The following SNTG1 variants were observed in gnomAD, a reference collection of about 807,000 sequenced individuals.
SNTG1 encodes the protein gamma-1-syntrophin.
A neutral mutation model predicts 74.7 loss-of-function variants in SNTG1; 39 were observed. The ratio of observed to expected loss-of-function variants is 0.52; its 90% confidence interval spans 0.40 to 0.68. SNTG1 has a LOEUF of 0.68. Ranked by LOEUF, SNTG1 falls within the 30% of genes least tolerant of loss-of-function variation. SNTG1 has a pLI of 0.00. For synonymous variants in SNTG1, 254 were observed against 217.1 expected (o/e 1.17, Z -1.49); for missense variants, 685 against 609.5 (o/e 1.12, Z -1.30).
intron 1 of SNTG1, among the ~76,000 whole-genome samples, chr8:50,067,033 CTTTTT>C (rs965455717): frequency 6.6e-6 from 1 of 151,308 alleles, no homozygotes; most frequent in African/African-American, 2.4e-5. Flanking sequence ...CTTTTCTTTT[CTTTTT>C]TTTTGAAAGA....
At chr8:50,190,528 G>T (rs751520049) in intron 2 of SNTG1, among the ~76,000 whole-genome samples, 7 of 152,088 alleles carry the variant, frequency 4.6e-5, no homozygotes, top group Middle Eastern at 3.2e-3. Flanking sequence ...AGAAAAAAAG[G>T]TAATGAATTG....
intron 9 of SNTG1, among the ~76,000 whole-genome samples, chr8:50,505,741 T>C (rs1171963667): frequency 6.6e-6 from 1 of 152,176 alleles, no homozygotes; most frequent in Non-Finnish European, 1.5e-5. Context: ...ATTCTTCAGA[T>C]ACTCTGGCTA....
intron 2 of SNTG1, among the ~76,000 whole-genome samples, chr8:50,190,775 A>G (rs759065779): frequency 1.9e-4 from 29 of 152,266 alleles, no homozygotes; most frequent in Non-Finnish European, 3.5e-4. Context: ...CACAGAGGTG[A>G]CATGCTTGGT....
At chr8:50,569,477 AT>A (rs367925496) in intron 12 of SNTG1, among the ~76,000 whole-genome samples, 5 of 151,740 alleles carry the variant, frequency 3.3e-5, no homozygotes, top group Non-Finnish European at 5.9e-5. Flanking sequence ...TTAAAAAATC[AT>A]TTTTTTTCCA....
chr8:50,697,151 T>C (rs957665760), intron 15 of SNTG1, among the ~76,000 whole-genome samples: 2 of 152,122 alleles, frequency 1.3e-5, no homozygotes, highest in African/African-American at 4.8e-5. Context: ...CTGGTAGAGC[T>C]CTTTTACCTC....
chr8:49,929,882 A>G (rs1411993196), intron 1 of SNTG1, among the ~76,000 whole-genome samples: 9 of 75,294 alleles, frequency 1.2e-4, no homozygotes, highest in African/African-American at 3.9e-4. Context: ...CCACCCCACC[A>G]CAGTCCCCAG....
At chr8:50,623,070 T>C (rs1256477102) in intron 13 of SNTG1, among the ~76,000 whole-genome samples, 1 of 152,108 alleles carries the variant, frequency 6.6e-6, no homozygotes, top group Non-Finnish European at 1.5e-5. Context: ...GTTTTGTTTT[T>C]TGTGTGTGGA....
At chr8:50,568,617 G>A (rs1223624022) in intron 12 of SNTG1, among the ~76,000 whole-genome samples, 1 of 151,608 alleles carries the variant, frequency 6.6e-6, no homozygotes, top group Non-Finnish European at 1.5e-5. Context: ...TATACCTCTT[G>A]GCCATTCATA....
chr8:50,495,500 C>T (rs1245222092), intron 8 of SNTG1, among the ~76,000 whole-genome samples: 1 of 151,284 alleles, frequency 6.6e-6, no homozygotes, highest in Non-Finnish European at 1.5e-5. Context: ...CTCCACGTTC[C>T]CAATTATATT....
At chr8:50,779,490 T>A (rs2095651827) in intron 18 of SNTG1, among the ~76,000 whole-genome samples, 1 of 152,290 alleles carries the variant, frequency 6.6e-6, no homozygotes, top group East Asian at 1.9e-4. Flanking sequence ...TCACTCATTA[T>A]TTGGCTCTCT....
At chr8:50,113,876 C>T (rs994988210) in intron 1 of SNTG1, among the ~76,000 whole-genome samples, 4 of 151,444 alleles carry the variant, frequency 2.6e-5, no homozygotes, top group East Asian at 1.9e-4. Flanking sequence ...CAAACCTGCA[C>T]GTTGTGCACA....
At chr8:50,685,053 A>G (rs1355940416) in intron 15 of SNTG1, among the ~76,000 whole-genome samples, 1 of 152,114 alleles carries the variant, frequency 6.6e-6, no homozygotes, top group Non-Finnish European at 1.5e-5. Flanking sequence ...GTGGAAAGCT[A>G]AATCTAAGAC....
At chr8:50,137,266 G>T (rs1274806494) in intron 1 of SNTG1, among the ~76,000 whole-genome samples, 1 of 152,132 alleles carries the variant, frequency 6.6e-6, no homozygotes, top group Non-Finnish European at 1.5e-5. Flanking sequence ...TTAAAAGGGT[G>T]CATAACACAG....
intron 17 of SNTG1, among the ~76,000 whole-genome samples, chr8:50,746,231 T>A (rs1405777852): frequency 6.6e-6 from 1 of 151,966 alleles, no homozygotes; most frequent in East Asian, 1.9e-4. Flanking sequence ...GTTTTAGTAC[T>A]CTAAAAGTCA....
At chr8:50,514,673 G>T (rs1208434967) in intron 9 of SNTG1, among the ~76,000 whole-genome samples, 1 of 152,128 alleles carries the variant, frequency 6.6e-6, no homozygotes, top group Non-Finnish European at 1.5e-5. Context: ...AGAATATTTT[G>T]TGTACACATA....
chr8:50,533,866 A>G (rs897928841), intron 10 of SNTG1, among the ~76,000 whole-genome samples: 2 of 152,214 alleles, frequency 1.3e-5, no homozygotes, highest in African/African-American at 4.8e-5. Flanking sequence ...TTGCCAATCT[A>G]TGAAGTGTAT....
intron 18 of SNTG1, among the ~76,000 whole-genome samples, chr8:50,765,622 T>A (rs1423908634): frequency 2.0e-5 from 3 of 152,010 alleles, no homozygotes; most frequent in African/African-American, 7.2e-5. Flanking sequence ...TATGTTTATT[T>A]TTAAACTGTT....
chr8:49,978,486 T>C (rs9643689), intron 1 of SNTG1, among the ~76,000 whole-genome samples: 79,127 of 152,126 alleles, frequency 0.52, 24,051 homozygotes, highest in East Asian at 0.83. Flanking sequence ...TAAAATAGCA[T>C]GGGTGGCCTT....
chr8:50,557,511 T>A (rs2094463082), intron 12 of SNTG1, among the ~76,000 whole-genome samples: 1 of 152,198 alleles, frequency 6.6e-6, no homozygotes, highest in South Asian at 2.1e-4. Context: ...CCCTCTGGAC[T>A]CTGTAATGCA....
Sources: allele counts gnomAD v4.1 joint callset (sites outside exome capture counted in the v4.1 genomes callset), GRCh38; gene constraint gnomAD v4.1.1; transcripts MANE v1.5; gene names NCBI Gene and HGNC (gene_info 2026-07-23, HGNC 2026-07-21).